Variants in RBM14 observed in about 807,000 individuals in gnomAD.
RBM14 encodes the protein RNA-binding protein 14.
RBM14 carries 5 observed loss-of-function variants against 52.8 expected under a neutral mutation model. The observed-to-expected ratio is 0.09, with a 90% confidence interval of 0.05 to 0.20. RBM14 has a LOEUF of 0.20. Among genes scored for constraint, RBM14 ranks in the 10% least tolerant of loss-of-function variants. The probability of loss-of-function intolerance (pLI) is 1.00; values close to 1 mark genes in which losing one functional copy is unlikely to be tolerated. For synonymous variants in RBM14, 411 were observed against 401.8 expected (o/e 1.02, Z -0.28); for missense variants, 780 against 926.6 (o/e 0.84, Z 2.05).
At position 66,625,725 on chromosome 11, in the gene RBM14, A is replaced by G. The variant is rs1937771148; in HGVS notation, c.1802+47A>G. The G allele has an allele frequency of 4.9e-6, 7 of 1,432,880 alleles. No individual in the cohort carries two copies. Among genetic ancestry groups the G allele is most frequent in the Non-Finnish European group, 6.6e-6 (7 of 1,058,968 alleles). The allele number at this position is 1,432,880 out of a possible 1,614,324, so 88.8% of individuals were successfully genotyped here. A position where few individuals can be genotyped will look rare whatever the true frequency, so the allele number is the denominator to read the frequency against. On this transcript the variant is annotated intron_variant, in intron 2 of 2. Coordinates refer to ENST00000310137, the MANE Select transcript of RBM14 (RefSeq NM_006328.4). This position sits in a 1 kb window ranked among gnomAD's most constrained non-coding sequence, Gnocchi z 4.2. The stretch of plus-strand genomic sequence containing the variant: ...CTGCCCCCAGCTGGGGCTTAGGGCA[A>G]GGGGCTGAGGTTGGCATGGGAGGGA...
At position 66,627,733 on chromosome 11, in the gene RBM14, G is replaced by T. The variant is rs1937881204; in HGVS notation, c.*1065G>T. Among the ~76,000 whole-genome samples the T allele has an allele frequency of 6.6e-6, 1 of 152,212 alleles. No individual in the cohort carries two copies. Among genetic ancestry groups the T allele is most frequent in the African/African-American group, 2.4e-5 (1 of 41,460 alleles). ...CCTCTTAGGAAGTGGGGAATGGGCT[G>T]CTGTGGTATTTACAGGCTAGTAGAT... On this transcript the variant is annotated 3_prime_UTR_variant, in exon 3 of 3. Transcript: ENST00000310137.
chr11:66,617,512 CCCT>C, intron 1 of RBM14: 1 of 995,926 alleles, frequency 1.0e-6, no homozygotes, highest in Non-Finnish European at 1.2e-6. Flanking sequence ...CCCAAGGCCG[CCCT>C]CCTGTTCCCT....
chr11:66,625,332 T>C lies in RBM14; in HGVS notation c.1456T>C (p.Tyr486His). ...AQASMGLSGS[Y>H]GAQSAAAATG... Reference sequence around the variant, plus strand: ...AGCATCAATGGGCCTTTCAGGCTCCTATGGGGCTCAGTCGGCTGCTGCGGC... The same window carrying C: ...AGCATCAATGGGCCTTTCAGGCTCCCATGGGGCTCAGTCGGCTGCTGCGGC... The change falls in exon 2 of 3, where the codon TAT becomes CAT. Residue 486 changes from tyrosine (Y) to histidine (H), a missense_variant. By Grantham distance (83) the Tyr-to-His change is moderately conservative (BLOSUM62 2). Around this residue, in one of 4 missense-constraint regions of RBM14, gnomAD observed 675 missense variants for 697.3 expected, o/e 0.97. Transcript: ENST00000310137. The surrounding 1 kb of genome is among the most constrained non-coding windows in gnomAD (Gnocchi z 4.2). 6.2e-7 allele frequency: 1 copy of C among 1,610,252 alleles called. No individual in the cohort carries two copies. Among genetic ancestry groups the C allele is most frequent in the Non-Finnish European group, 8.5e-7 (1 of 1,178,672 alleles).
chr11:66,617,778 C>T (rs960654656), intron 1 of RBM14, among the ~76,000 whole-genome samples: 4 of 152,252 alleles, frequency 2.6e-5, no homozygotes, highest in African/African-American at 9.6e-5. Context: ...AAACCCCAGC[C>T]TTTTGCATGT....
In RBM14 at chr11:66,624,263, C is replaced by T. The variant is rs769588270; in HGVS notation, c.387C>T (p.Ile129=). 7 of 1,606,708 alleles carry T rather than the reference C, an allele frequency of 4.4e-6. No homozygotes were observed. The highest frequency in any genetic ancestry group is 1.7e-6 in the Non-Finnish European group (2 of 1,175,392). Residue 129 remains isoleucine (I), a synonymous_variant, in exon 2 of 3, where the codon ATC becomes ATT. Coordinates refer to ENST00000310137, the MANE Select transcript of RBM14 (RefSeq NM_006328.4). The surrounding 1 kb of genome is among the most constrained non-coding windows in gnomAD (Gnocchi z 4.7). The stretch of plus-strand genomic sequence containing the variant: ...AGGAAGCAGATGCCAAAGCCGCAAT[C>T]GCGCAGCTCAACGGCAAAGAAGTGA... ...MEKEADAKAA[I]AQLNGKEVKG...
rs2502 is a variant in RBM14, at chr11:66,629,860, A to G, written c.*3192A>G. Among the ~76,000 whole-genome samples, 1 of 152,078 alleles carries G rather than the reference A, an allele frequency of 6.6e-6. No homozygotes were observed. Among genetic ancestry groups the G allele is most frequent in the Non-Finnish European group, 1.5e-5 (1 of 67,968 alleles). On this transcript the variant is annotated 3_prime_UTR_variant, in exon 3 of 3. Coordinates refer to ENST00000310137, the MANE Select transcript of RBM14 (RefSeq NM_006328.4). Reference sequence around the variant, plus strand: ...GGGAATTTGAGGCAAGAGGATTGCTAGAGGCCAGGATTTTGAGACCAGCTT... The same window carrying G: ...GGGAATTTGAGGCAAGAGGATTGCTGGAGGCCAGGATTTTGAGACCAGCTT...
Position 66,626,945 on chromosome 11 carries a change from G to T in RBM14, c.*277G>T, listed in dbSNP as rs1285399299. On this transcript the variant is annotated 3_prime_UTR_variant, in exon 3 of 3. Coordinates refer to ENST00000310137, the MANE Select transcript of RBM14 (RefSeq NM_006328.4). ...TCCCCAGAATGGGAATTTCTTTTAT[G>T]TTTTTATTTTTTTCCTGGCTCCCTT... 2 of 343,966 alleles carry T rather than the reference G, an allele frequency of 5.8e-6. No individual in the cohort carries two copies. The highest frequency in any genetic ancestry group is 1.0e-5 in the Non-Finnish European group (2 of 191,482). The allele number at this position is 343,966 out of a possible 1,614,324, so 21.3% of individuals were successfully genotyped here.
intron 1 of RBM14, among the ~76,000 whole-genome samples, chr11:66,623,285 A>G (rs755464403): frequency 5.3e-5 from 8 of 152,216 alleles, no homozygotes; most frequent in Non-Finnish European, 1.2e-4. Flanking sequence ...GGTCTGGGAC[A>G]GGGGGATTGG....
chr11:66,626,840 C>G lies in RBM14; in HGVS notation c.*172C>G. On this transcript the variant is annotated 3_prime_UTR_variant, in exon 3 of 3. Coordinates refer to ENST00000310137, the MANE Select transcript of RBM14 (RefSeq NM_006328.4). The stretch of plus-strand genomic sequence containing the variant: ...ATCCTGTTAAGTGTTCGGCAGTAAC[C>G]TACTTTGTTCCTTCGCCTCAGCAGC... 1.5e-6 allele frequency: 1 copy of G among 655,480 alleles called. No individual in the cohort carries two copies. The highest frequency in any genetic ancestry group is 2.5e-6 in the Non-Finnish European group (1 of 398,150). 40.6% of individuals were successfully genotyped at this position (655,480 alleles called of 1,614,324 possible). A position where few individuals can be genotyped will look rare whatever the true frequency, so the allele number is the denominator to read the frequency against.
rs1053732879 is a variant in RBM14, at chr11:66,616,633, C to T, written c.-88C>T. On this transcript the variant is annotated 5_prime_UTR_variant, in exon 1 of 3. Transcript: ENST00000310137. ...GCGGGGTTCTCGGTCGCCAGCCATT[C>T]CTGAGGAGGACTGCCGGTCGTTCGG... 37 of 1,462,532 alleles carry T rather than the reference C, an allele frequency of 2.5e-5. No individual in the cohort carries two copies. Among genetic ancestry groups the T allele is most frequent in the Non-Finnish European group, 3.1e-5 (34 of 1,101,172 alleles). The allele number at this position is 1,462,532 out of a possible 1,614,324, so 90.6% of individuals were successfully genotyped here.
chr11:66,620,155 G>T (rs888039720), intron 1 of RBM14, among the ~76,000 whole-genome samples: 3 of 152,132 alleles, frequency 2.0e-5, no homozygotes, highest in African/African-American at 7.2e-5. Flanking sequence ...CTGTGATGGG[G>T]CTTATCACTA....
rs762448259 is a variant in RBM14 at position 66,625,244 on chromosome 11, A to G, written c.1368A>G (p.Pro456=). 33 of 1,611,414 alleles carry G rather than the reference A, an allele frequency of 2.0e-5. No homozygotes were observed. The East Asian group carries it at 6.7e-4, about 33-fold the overall frequency. Residue 456 remains proline, a synonymous_variant, in exon 2 of 3, where the codon CCA becomes CCG. Coordinates refer to ENST00000310137, the MANE Select transcript of RBM14 (RefSeq NM_006328.4). This position sits in a 1 kb window ranked among gnomAD's most constrained non-coding sequence, Gnocchi z 4.2. ...CCTACGCCGCACAAGCCACTACCCC[A>G]ATGGCTGGCTCCTATGGGGCCCAGC... ...PAAYAAQATT[P]MAGSYGAQPV...
intron 1 of RBM14, chr11:66,617,685 G>A (rs1858902364): frequency 6.2e-6 from 3 of 487,450 alleles, no homozygotes; most frequent in Non-Finnish European, 8.0e-6. Flanking sequence ...ATATTAGGTA[G>A]GTTAGGCGTG....
At chr11:66,619,359 C>T (rs546836475) in intron 1 of RBM14, 132 of 152,230 alleles carry the variant, frequency 8.7e-4, no homozygotes, top group African/African-American at 2.8e-3. Flanking sequence ...ATTTGTAGAA[C>T]AGAAATCTCA....
chr11:66,625,797 G>C lies in RBM14; in HGVS notation c.1802+119G>C. 1 of 812,702 alleles carries C rather than the reference G, an allele frequency of 1.2e-6. No individual in the cohort carries two copies. The highest frequency in any genetic ancestry group is 1.8e-5 in the South Asian group (1 of 54,742). The allele number at this position is 812,702 out of a possible 1,614,324, so 50.3% of individuals were successfully genotyped here. A position where few individuals can be genotyped will look rare whatever the true frequency, so the allele number is the denominator to read the frequency against. On this transcript the variant is annotated intron_variant, in intron 2 of 2. Coordinates refer to ENST00000310137, the MANE Select transcript of RBM14 (RefSeq NM_006328.4). This position sits in a 1 kb window ranked among gnomAD's most constrained non-coding sequence, Gnocchi z 4.2. ...CCTCGGTCTTCTCTTCTCTATTTTT[G>C]TGGGATGTCCAGAGGCCGAGGGGAG...
chr11:66,624,107 G>A lies in RBM14; in HGVS notation c.338-107G>A. The A allele has an allele frequency of 6.5e-7, 1 of 1,537,872 alleles. No homozygotes were observed. On this transcript the variant is annotated intron_variant, in intron 1 of 2. Transcript: ENST00000310137. The surrounding 1 kb of genome is among the most constrained non-coding windows in gnomAD (Gnocchi z 4.7). ...CTGGAGAGGAGGGTTTGGAGGCCTT[G>A]GAGGTAGCTGGCAACAGCTGGGTGC...
Position 66,625,280 on chromosome 11 carries a change from G to T in RBM14, c.1404G>T (p.Gln468His). ...AGSYGAQPVV[Q>H]TQLNSYGAQA... ...CCTATGGGGCCCAGCCGGTTGTGCA[G>T]ACCCAGCTGAATAGTTACGGGGCCC... The change falls in exon 2 of 3, where the codon CAG becomes CAT. Residue 468 changes from glutamine to histidine, a missense_variant. This residue lies in a region of RBM14 where 675 missense variants were observed against 697.3 expected (regional missense o/e 0.97). Coordinates refer to ENST00000310137, the MANE Select transcript of RBM14 (RefSeq NM_006328.4). This position sits in a 1 kb window ranked among gnomAD's most constrained non-coding sequence, Gnocchi z 4.2. 1 of 1,612,782 alleles carries T rather than the reference G, an allele frequency of 6.2e-7. No homozygotes were observed. Among genetic ancestry groups the T allele is most frequent in the Non-Finnish European group, 8.5e-7 (1 of 1,179,788 alleles).
chr11:66,622,269 T>C (rs1209761773), intron 1 of RBM14, among the ~76,000 whole-genome samples: 2 of 151,164 alleles, frequency 1.3e-5, no homozygotes, highest in African/African-American at 4.9e-5. Flanking sequence ...TCTTGCTGTG[T>C]CACCCAGACT....
chr11:66,619,954 C>T (rs1859028935), intron 1 of RBM14, among the ~76,000 whole-genome samples: 2 of 152,212 alleles, frequency 1.3e-5, no homozygotes, highest in South Asian at 2.1e-4. Context: ...GTGATGCCAC[C>T]AGACCATTTG....
Sources: gnomAD v4.1 joint callset for allele counts (sites outside exome capture counted in the v4.1 genomes callset) on GRCh38, gnomAD v4.1.1 for gene constraint, gnomAD v4.1.1 regional missense constraint, Gnocchi (gnomAD v3.1) non-coding constraint, MANE v1.5 for transcripts, NCBI Gene and HGNC (gene_info 2026-07-23, HGNC 2026-07-21) for gene names.